Variants in FSTL1 observed in about 807,000 individuals in gnomAD.
FSTL1 encodes follistatin like 1.
FSTL1 carries 24 observed loss-of-function variants against 45.9 expected under a neutral mutation model. The observed-to-expected ratio is 0.52, with a 90% CI of 0.38 to 0.74. The LOEUF (loss-of-function observed/expected upper bound fraction) is 0.74, where lower values mean the gene tolerates loss of function less well. FSTL1 is among the 30% of genes least tolerant of loss of function. FSTL1 has a pLI of 0.00. For synonymous variants in FSTL1, 120 were observed against 137.6 expected (o/e 0.87, Z 0.89); for missense variants, 340 against 381.8 (o/e 0.89, Z 0.91).
Position 120,396,925 on chromosome 3 carries a change from A to T in FSTL1, c.*27T>A, listed in dbSNP as rs371930867. The T allele has an allele frequency of 7.3e-5, 114 of 1,563,920 alleles. No individual in the cohort carries two copies. The highest frequency in any genetic ancestry group is 1.0e-4 in the Non-Finnish European group (113 of 1,134,164). Reference sequence around the variant, plus strand: ...GCGCTGAAGTGGAGAAGATGCTGGGATCCAGACACTGGTCTGTGCCTCCTC... The same window carrying T: ...GCGCTGAAGTGGAGAAGATGCTGGGTTCCAGACACTGGTCTGTGCCTCCTC... On this transcript the variant is annotated 3_prime_UTR_variant, in exon 11 of 11. Transcript: ENST00000295633.
chr3:120,418,278 GA>G (rs1937220775), intron 2 of FSTL1, among the ~76,000 whole-genome samples: 1 of 152,194 alleles, frequency 6.6e-6, no homozygotes, highest in African/African-American at 2.4e-5. Context: ...TTCCATAGAT[GA>G]GGAAATTGAA....
At chr3:120,442,948 TG>T (rs1306449729) in intron 2 of FSTL1, among the ~76,000 whole-genome samples, 1 of 46,940 alleles carries the variant, frequency 2.1e-5, no homozygotes, top group Non-Finnish European at 3.7e-5. Context: ...TGTTGTGGGG[TG>T]GGGGGAGGGG....
chr3:120,413,808 T>C (rs1435581781), intron 3 of FSTL1, among the ~76,000 whole-genome samples: 16 of 16,292 alleles, frequency 9.8e-4, no homozygotes, highest in Admixed American at 2.8e-3. Flanking sequence ...CCCCTCCCTC[T>C]CCCTCTCTTT....
At chr3:120,434,077 G>A (rs1446103457) in intron 2 of FSTL1, among the ~76,000 whole-genome samples, 5 of 152,128 alleles carry the variant, frequency 3.3e-5, no homozygotes, top group East Asian at 3.8e-4. Context: ...GAGCCAGGTC[G>A]CAGGAGAGAG....
At chr3:120,418,587 G>C (rs549884566) in intron 2 of FSTL1, among the ~76,000 whole-genome samples, 1 of 152,196 alleles carries the variant, frequency 6.6e-6, no homozygotes, top group Non-Finnish European at 1.5e-5. Flanking sequence ...TCCAGATGAC[G>C]TAAGGAAATT....
At chr3:120,432,529 T>C (rs1237531957) in intron 2 of FSTL1, among the ~76,000 whole-genome samples, 1 of 152,140 alleles carries the variant, frequency 6.6e-6, no homozygotes, top group African/African-American at 2.4e-5. Flanking sequence ...CCTCCTTTTT[T>C]GTTCATTCTG....
chr3:120,439,271 G>T (rs1360066215), intron 2 of FSTL1, among the ~76,000 whole-genome samples: 4 of 152,200 alleles, frequency 2.6e-5, no homozygotes, highest in African/African-American at 4.8e-5. Context: ...TGGAGGCTGA[G>T]GAAATTCTGC....
rs202002329 is a variant in FSTL1 at position 120,412,002 on chromosome 3, A to G, written c.169-19T>C. 1 of 1,607,122 alleles carries G rather than the reference A, an allele frequency of 6.2e-7. No individual in the cohort carries two copies. Among genetic ancestry groups the G allele is most frequent in the East Asian group, 2.2e-5 (1 of 44,686 alleles). On this transcript the variant is annotated intron_variant, in intron 3 of 10. Transcript: ENST00000295633. Reference sequence around the variant, plus strand: ...TGCATTGCTGAAACAGACCCAAAAGAGAATGTTTGTGCAGTTATGGATATC... The same window carrying G: ...TGCATTGCTGAAACAGACCCAAAAGGGAATGTTTGTGCAGTTATGGATATC...
chr3:120,422,471 T>A (rs1446533374), intron 2 of FSTL1, among the ~76,000 whole-genome samples: 1 of 152,164 alleles, frequency 6.6e-6, no homozygotes, highest in African/African-American at 2.4e-5. Flanking sequence ...ATATATGCAA[T>A]TTTTATATGT....
At position 120,403,371 on chromosome 3, in the gene FSTL1, G is replaced by A; in HGVS notation, c.582-17C>T. 1 of 1,437,072 alleles carries A rather than the reference G, an allele frequency of 7.0e-7. No homozygotes were observed. Among genetic ancestry groups the A allele is most frequent in the South Asian group, 1.1e-5 (1 of 87,510 alleles). 89.0% of individuals were successfully genotyped at this position (1,437,072 alleles called of 1,614,324 possible). A position where few individuals can be genotyped will look rare whatever the true frequency, so the allele number is the denominator to read the frequency against. On this transcript the variant is annotated splice_polypyrimidine_tract_variant and intron_variant, in intron 7 of 10. Transcript: ENST00000295633. Reference sequence around the variant, plus strand: ...CAGAGTCCCCTGAAACAAAACACAGGAGAAATGTGTTAGCAAGACCTCAGC... The same window carrying A: ...CAGAGTCCCCTGAAACAAAACACAGAAGAAATGTGTTAGCAAGACCTCAGC...
chr3:120,431,259 C>A (rs545780000), intron 2 of FSTL1, among the ~76,000 whole-genome samples: 1 of 152,274 alleles, frequency 6.6e-6, no homozygotes, highest in East Asian at 1.9e-4. Flanking sequence ...TTGTGAGCCA[C>A]CGCACCCGGC....
At chr3:120,428,293 T>C (rs929157795) in intron 2 of FSTL1, among the ~76,000 whole-genome samples, 9 of 152,210 alleles carry the variant, frequency 5.9e-5, no homozygotes, top group African/African-American at 1.9e-4. Flanking sequence ...TTGGGCACAT[T>C]AGTAAGAACT....
chr3:120,436,190 G>A (rs182239362), intron 2 of FSTL1, among the ~76,000 whole-genome samples: 1 of 152,168 alleles, frequency 6.6e-6, no homozygotes, highest in East Asian at 1.9e-4. Context: ...TTCTCCAATT[G>A]TATCTGTAAG....
At chr3:120,408,275 G>A (rs1310435698) in intron 6 of FSTL1, among the ~76,000 whole-genome samples, 1 of 152,222 alleles carries the variant, frequency 6.6e-6, no homozygotes, top group Non-Finnish European at 1.5e-5. Flanking sequence ...TGTAATGTGG[G>A]AGTGATTGAG....
At chr3:120,437,297 T>A (rs947977544) in intron 2 of FSTL1, among the ~76,000 whole-genome samples, 4 of 152,230 alleles carry the variant, frequency 2.6e-5, no homozygotes, top group African/African-American at 9.6e-5. Flanking sequence ...GGAAAACCTA[T>A]GTCTTATTTT....
At chr3:120,412,838 G>GCGCGCGCACACACACACA (rs1429168694) in intron 3 of FSTL1, among the ~76,000 whole-genome samples, 1 of 106,132 alleles carries the variant, frequency 9.4e-6, no homozygotes, top group East Asian at 3.0e-4. Context: ...GCGCGCGCGC[G>GCGCGCGCACACACACACA]CACACACACA....
At chr3:120,449,924 T>TA (rs1937845346) in intron 2 of FSTL1, among the ~76,000 whole-genome samples, 2 of 152,202 alleles carry the variant, frequency 1.3e-5, no homozygotes, top group Non-Finnish European at 2.9e-5. Context: ...TAGAATTGTT[T>TA]ATTTTCTGTC....
intron 2 of FSTL1, among the ~76,000 whole-genome samples, chr3:120,437,067 G>A (rs1262507105): frequency 1.3e-5 from 2 of 152,212 alleles, no homozygotes; most frequent in Non-Finnish European, 2.9e-5. Context: ...AAATTCCACT[G>A]TATCAATTTC....
rs1330880905 is a variant in FSTL1, at chr3:120,394,081, C to T, written c.*2871G>A. On this transcript the variant is annotated 3_prime_UTR_variant, in exon 11 of 11. Transcript: ENST00000295633. The stretch of plus-strand genomic sequence containing the variant: ...CTTGTCATCACCTTCTACTCCAGAC[C>T]CACTATCCATGATCCTTTCAAAGAA... 6.6e-6 allele frequency: 1 copy of T among 152,152 alleles called. No individual in the cohort carries two copies. The highest frequency in any genetic ancestry group is 2.1e-4 in the South Asian group (1 of 4,828). The allele number at this position is 152,152 out of a possible 1,614,324, so 9.4% of individuals were successfully genotyped here. A position where few individuals can be genotyped will look rare whatever the true frequency, so the allele number is the denominator to read the frequency against.
Sources: gnomAD v4.1 joint callset for allele counts (sites outside exome capture counted in the v4.1 genomes callset) on GRCh38, gnomAD v4.1.1 for gene constraint, MANE v1.5 for transcripts, NCBI Gene and HGNC (gene_info 2026-07-23, HGNC 2026-07-21) for gene names.